The following FLACC1 variants were observed in gnomAD, a reference collection of about 807,000 sequenced individuals.
The protein encoded by FLACC1 is flagellum associated containing coiled-coil domains 1.
Under a neutral mutation model 62.8 loss-of-function variants are expected in FLACC1, and 66 were observed. That is an observed-to-expected ratio of 1.05 (90% CI 0.86 to 1.29). FLACC1 has a LOEUF of 1.29. Ranked by LOEUF, FLACC1 falls within the 50% of genes most tolerant of loss-of-function variation. The pLI is 0.00. For missense variants in FLACC1, 452 were observed against 489.1 expected (o/e 0.92, Z 0.71); for synonymous variants, 156 against 161.0 (o/e 0.97, Z 0.24).
chr2:201,350,790 T>G lies in FLACC1; in HGVS notation c.114-8A>C. The stretch of plus-strand genomic sequence containing the variant: ...GGTACAAGAGGAGTTAGCCTGAAAG[T>G]GAAAAACAAATAACTAAAACAAGAA... On this transcript the variant is annotated splice_polypyrimidine_tract_variant and splice_region_variant and intron_variant, in intron 2 of 14. Coordinates refer to ENST00000392257, the MANE Select transcript of FLACC1 (RefSeq NM_001127391.3). 1 of 1,606,902 alleles carries G rather than the reference T, an allele frequency of 6.2e-7. No homozygotes were observed. The highest frequency in any genetic ancestry group is 8.5e-7 in the Non-Finnish European group (1 of 1,174,114).
At chr2:201,362,767 G>A in the FLACC1 span, among the ~76,000 whole-genome samples, 78 of 152,284 alleles carry the variant, frequency 5.1e-4, no homozygotes, top group African/African-American at 1.8e-3. Flanking sequence ...TTTTAATCCA[G>A]GCATTCTTTG....
chr2:201,300,590 T>C (rs1414332581), intron 11 of FLACC1, among the ~76,000 whole-genome samples: 2 of 152,110 alleles, frequency 1.3e-5, no homozygotes, highest in Non-Finnish European at 2.9e-5. Context: ...TCTGCCAGCA[T>C]GGAGTCTGAG....
rs774818016 is a variant in FLACC1 at position 201,289,770 on chromosome 2, A to G, written c.958T>C (p.Leu320=). The G allele has an allele frequency of 1.2e-6, 2 of 1,614,054 alleles. No individual in the cohort carries two copies. Among genetic ancestry groups the G allele is most frequent in the African/African-American group, 1.3e-5 (1 of 74,998 alleles). Reference sequence around the variant, plus strand: ...TCTAGGATAAGGGCTTGTGCATGCAATTCTTCCTGCATGACCTGCATAAGA... The same window carrying G: ...TCTAGGATAAGGGCTTGTGCATGCAGTTCTTCCTGCATGACCTGCATAAGA... The part of the protein sequence containing the change: ...RKTKEVMQEE[L]HAQALILESL... The change falls in exon 13 of 15, where the codon TTG becomes CTG. Residue 320 remains leucine (L), a synonymous_variant. Coordinates refer to ENST00000392257, the MANE Select transcript of FLACC1 (RefSeq NM_001127391.3).
intron 3 of FLACC1, among the ~76,000 whole-genome samples, chr2:201,350,062 T>C (rs1212118397): frequency 6.6e-6 from 1 of 152,174 alleles, no homozygotes; most frequent in Non-Finnish European, 1.5e-5. Context: ...TTTATTCACA[T>C]GCCTGAAACC....
chr2:201,329,885 T>A (rs547106158), intron 9 of FLACC1, among the ~76,000 whole-genome samples: 3 of 152,338 alleles, frequency 2.0e-5, no homozygotes, highest in African/African-American at 7.2e-5. Context: ...TGACTTTTTT[T>A]AAAGTTCATT....
At chr2:201,307,024 A>T (rs1440173692) in intron 11 of FLACC1, among the ~76,000 whole-genome samples, 1 of 152,220 alleles carries the variant, frequency 6.6e-6, no homozygotes, top group Non-Finnish European at 1.5e-5. Flanking sequence ...AAGGACTAGC[A>T]AAACTAATTG....
chr2:201,290,841 T>C (rs1168946968), intron 12 of FLACC1, among the ~76,000 whole-genome samples: 2 of 152,198 alleles, frequency 1.3e-5, no homozygotes, highest in Non-Finnish European at 2.9e-5. Context: ...TAATACTGCA[T>C]TTTCCAACAG....
rs1394739194 is a variant in FLACC1 at position 201,346,568 on chromosome 2, CTCCGAT to C, written c.336_341del (p.Ser113_Glu114del). ...TGGAAAATCTGCCTTTGTCCGGGAT[CTCCGAT>C]TCCCACCGCTTTTTCCTATCAAACA... On this transcript the variant is annotated inframe_deletion, in exon 5 of 15. Coordinates refer to ENST00000392257, the MANE Select transcript of FLACC1 (RefSeq NM_001127391.3). The surrounding 1 kb of genome is among the most constrained non-coding windows in gnomAD (Gnocchi z 4.0). 1 of 1,614,028 alleles carries C rather than the reference CTCCGAT, an allele frequency of 6.2e-7. No individual in the cohort carries two copies. The highest frequency in any genetic ancestry group is 8.5e-7 in the Non-Finnish European group (1 of 1,180,034).
rs1950867788 is a variant in FLACC1, at chr2:201,344,187, G to A, written c.445C>T (p.Gln149Ter). 1.2e-6 allele frequency: 2 copies of A among 1,612,756 alleles called. No individual in the cohort carries two copies. The highest frequency in any genetic ancestry group is 2.2e-5 in the East Asian group (1 of 44,874). ...TCACTCACCAATTTCTGGGCAGACT[G>A]GTGGTCTCTGTTCATTTGTTCAATT... is the stretch of plus-strand genomic sequence containing the variant. ...AIIEQMNRDH[Q>*]SAQKLLSSEM... Residue 149 changes from glutamine to a stop codon, truncating the protein, a stop_gained, in exon 6 of 15, where the codon CAG becomes TAG. Coordinates refer to ENST00000392257, the MANE Select transcript of FLACC1 (RefSeq NM_001127391.3). LOFTEE classifies it high-confidence loss of function.
intron 8 of FLACC1, 66 bp from the exon 9 acceptor site, chr2:201,330,588 G>T (rs2272390): frequency 8.9e-6 from 14 of 1,572,328 alleles, no homozygotes; most frequent in Non-Finnish European, 1.2e-5. Flanking sequence ...AAATTCAAAT[G>T]TGAGTTCTTC....
chr2:201,296,568 C>T (rs1017414801), intron 12 of FLACC1, among the ~76,000 whole-genome samples: 7 of 151,542 alleles, frequency 4.6e-5, no homozygotes, highest in South Asian at 2.1e-4. Flanking sequence ...TGTTAAATGA[C>T]GAGTTACTGG....
At chr2:201,298,835 T>G (rs1249551082) in intron 12 of FLACC1, among the ~76,000 whole-genome samples, 1 of 152,188 alleles carries the variant, frequency 6.6e-6, no homozygotes, top group Non-Finnish European at 1.5e-5. Flanking sequence ...TTATCATGTG[T>G]GAGGTACATT....
intron 14 of FLACC1, 151 bp downstream of exon 14, chr2:201,289,306 T>G: frequency 1.5e-6 from 1 of 649,744 alleles, no homozygotes; most frequent in South Asian, 1.9e-5. Context: ...TTTGTGTCAC[T>G]GGCCTAGAGT....
chr2:201,355,865 A>G (rs1439148864), intron 1 of FLACC1, among the ~76,000 whole-genome samples: 1 of 152,142 alleles, frequency 6.6e-6, no homozygotes, highest in African/African-American at 2.4e-5. Flanking sequence ...TCTCTAAAAA[A>G]TAAATAAATA....
intron 9 of FLACC1, among the ~76,000 whole-genome samples, chr2:201,324,008 A>G (rs540938118): frequency 4.5e-4 from 69 of 152,230 alleles, no homozygotes; most frequent in Admixed American, 9.2e-4. Flanking sequence ...TCACATCTCA[A>G]TATTAATGTT....
chr2:201,355,758 G>T (rs1407117918), intron 1 of FLACC1, among the ~76,000 whole-genome samples: 1 of 151,980 alleles, frequency 6.6e-6, no homozygotes, highest in Admixed American at 6.6e-5. Flanking sequence ...CACTTGGCAG[G>T]TGGTGCGGGA....
chr2:201,324,841 G>A (rs1298876539), intron 9 of FLACC1, among the ~76,000 whole-genome samples: 1 of 152,162 alleles, frequency 6.6e-6, no homozygotes, highest in African/African-American at 2.4e-5. Flanking sequence ...CAAAACCTCT[G>A]GGATAGGTGG....
chr2:201,305,723 G>A (rs1950088785), intron 11 of FLACC1, among the ~76,000 whole-genome samples: 1 of 152,166 alleles, frequency 6.6e-6, no homozygotes, highest in African/African-American at 2.4e-5. Context: ...AGAAAATGTG[G>A]CACATATACA....
At chr2:201,337,106 T>C (rs554767356) in intron 7 of FLACC1, among the ~76,000 whole-genome samples, 9 of 152,248 alleles carry the variant, frequency 5.9e-5, no homozygotes, top group Non-Finnish European at 1.0e-4. Flanking sequence ...ACTCTGTTGA[T>C]GGTTTCTTTT....
Sources: allele counts gnomAD v4.1 joint callset (sites outside exome capture counted in the v4.1 genomes callset), GRCh38; gene constraint gnomAD v4.1.1; non-coding constraint Gnocchi (gnomAD v3.1); transcripts MANE v1.5; gene names NCBI Gene and HGNC (gene_info 2026-07-23, HGNC 2026-07-21).